KAZN: variants seen among roughly 807,000 people sequenced by gnomAD.
The protein encoded by KAZN is kazrin, periplakin interacting protein.
In KAZN, 40 loss-of-function variants were observed where a neutral mutation model predicts 87.4. The observed-to-expected ratio is 0.46, with a 90% CI of 0.36 to 0.60. The LOEUF (loss-of-function observed/expected upper bound fraction) is 0.60. Ranked by LOEUF, KAZN falls within the 20% of genes least tolerant of loss-of-function variation. The pLI is 0.00. For missense variants in KAZN, 898 were observed against 1,073.9 expected, an observed-to-expected ratio of 0.84 and a Z score of 2.29; for synonymous variants, 466 against 458.3, an observed-to-expected ratio of 1.02 and a Z score of -0.22.
chr1:14,770,891 G>T (rs1039022334), intron 1 of KAZN, among the ~76,000 whole-genome samples: 5 of 152,160 alleles, frequency 3.3e-5, no homozygotes, highest in Admixed American at 6.5e-5. Context: ...TAACTTTGAG[G>T]CTGGAAAATG....
chr1:14,274,714 G>C (rs995626068), intron 2 of KAZN, among the ~76,000 whole-genome samples: 1 of 152,162 alleles, frequency 6.6e-6, no homozygotes, highest in African/African-American at 2.4e-5. Flanking sequence ...GCTGTGACGT[G>C]GGGAGCAGGT....
At chr1:15,009,633 A>G (rs1261551567) in intron 2 of KAZN, among the ~76,000 whole-genome samples, 1 of 152,364 alleles carries the variant, frequency 6.6e-6, no homozygotes, top group African/African-American at 2.4e-5. Context: ...AGCGAGGACA[A>G]GGCTACAGAA....
chr1:14,057,124 T>C (rs527427009), intron 1 of KAZN, among the ~76,000 whole-genome samples: 4 of 151,938 alleles, frequency 2.6e-5, no homozygotes, highest in African/African-American at 9.6e-5. Context: ...TTCTTTTTTT[T>C]GTTTTTTGTT....
chr1:14,837,265 C>A (rs537233139), intron 1 of KAZN, among the ~76,000 whole-genome samples: 7 of 152,252 alleles, frequency 4.6e-5, no homozygotes, highest in African/African-American at 1.7e-4. Context: ...ATAGTGCGGT[C>A]TTGGCTCACC....
intron 13 of KAZN, among the ~76,000 whole-genome samples, chr1:15,105,659 C>A (rs1162458524): frequency 6.6e-6 from 1 of 151,932 alleles, no homozygotes; most frequent in Non-Finnish European, 1.5e-5. Context: ...GAGTCCTAAA[C>A]CCCTAAACCA....
At chr1:14,502,459 G>GT (rs984309271) in intron 2 of KAZN, among the ~76,000 whole-genome samples, 1 of 152,082 alleles carries the variant, frequency 6.6e-6, no homozygotes, top group Admixed American at 6.6e-5. Flanking sequence ...CAATTTCTGG[G>GT]TTTTTTTAGG....
At chr1:14,718,665 A>T (rs1557913215) in intron 1 of KAZN, among the ~76,000 whole-genome samples, 1 of 152,182 alleles carries the variant, frequency 6.6e-6, no homozygotes, top group African/African-American at 2.4e-5. Context: ...GGTGTTTAGC[A>T]CACGCGGGCA....
intron 1 of KAZN, among the ~76,000 whole-genome samples, chr1:14,139,927 ATGTGTGTGTGTGTGTGTGTG>A (rs541192220): frequency 0.33 from 45,321 of 136,522 alleles, 7,506 homozygotes; most frequent in East Asian, 0.62. Flanking sequence ...TTTGAGGTAA[ATGTGTGTGTGTGTGTGTGTG>A]TGTGTGTGTG....
At chr1:14,750,924 T>C (rs763581990) in intron 1 of KAZN, among the ~76,000 whole-genome samples, 2 of 152,230 alleles carry the variant, frequency 1.3e-5, no homozygotes, top group African/African-American at 4.8e-5. Flanking sequence ...ACCCCTGATG[T>C]TCCATTTGTG....
chr1:14,067,621 C>T (rs1395812651), intron 1 of KAZN, among the ~76,000 whole-genome samples: 2 of 150,432 alleles, frequency 1.3e-5, no homozygotes, highest in African/African-American at 5.0e-5. Flanking sequence ...GCTTCTTCCA[C>T]CCTTCTGTCT....
chr1:14,077,052 G>T (rs1277087564), intron 1 of KAZN, among the ~76,000 whole-genome samples: 3 of 152,086 alleles, frequency 2.0e-5, no homozygotes, highest in African/African-American at 7.2e-5. Flanking sequence ...CTTCCTGATT[G>T]CTCTTCATCT....
intron 2 of KAZN, among the ~76,000 whole-genome samples, chr1:14,398,954 A>G (rs1486937918): frequency 1.3e-5 from 2 of 151,978 alleles, no homozygotes; most frequent in Non-Finnish European, 2.9e-5. Context: ...ACTGCCACCG[A>G]TCCCCTGAAT....
At chr1:14,699,647 G>GT (rs1293201071) in intron 1 of KAZN, among the ~76,000 whole-genome samples, 34 of 152,328 alleles carry the variant, frequency 2.2e-4, no homozygotes, top group African/African-American at 7.7e-4. Context: ...TTTACATTGG[G>GT]TAGTAGAAAG....
At chr1:13,952,908 T>C (rs6429814) in intron 1 of KAZN, among the ~76,000 whole-genome samples, 2,267 of 152,298 alleles carry the variant, frequency 0.015, 51 homozygotes, top group African/African-American at 0.051. Flanking sequence ...TTCTCTATGA[T>C]TTTCCTCCTA....
chr1:14,990,871 G>A (rs941548786), intron 2 of KAZN, among the ~76,000 whole-genome samples: 2 of 151,070 alleles, frequency 1.3e-5, no homozygotes, highest in Admixed American at 1.3e-4. Flanking sequence ...TACTGGAATA[G>A]GGTGAGGCCT....
chr1:15,079,173 T>C (rs889398750), intron 8 of KAZN, among the ~76,000 whole-genome samples: 1 of 152,120 alleles, frequency 6.6e-6, no homozygotes, highest in Admixed American at 6.5e-5. Context: ...AGGCAAGGAT[T>C]CACCAGGCAG....
intron 13 of KAZN, 58 bp from the exon 14 acceptor site, chr1:15,112,369 G>A: frequency 3.1e-6 from 2 of 641,786 alleles, no homozygotes; most frequent in East Asian, 3.1e-5. Flanking sequence ...GTGTGTGTGT[G>A]TGTGTCTGGG....
chr1:14,727,602 C>T (rs1363733068), intron 1 of KAZN, among the ~76,000 whole-genome samples: 3 of 150,860 alleles, frequency 2.0e-5, no homozygotes, highest in Non-Finnish European at 4.4e-5. Flanking sequence ...GCCTCAGCCT[C>T]CCAAGTAGCA....
At chr1:14,489,853 G>T (rs538405862) in intron 2 of KAZN, among the ~76,000 whole-genome samples, 2 of 151,820 alleles carry the variant, frequency 1.3e-5, no homozygotes, top group South Asian at 4.2e-4. Context: ...ATTCAAAATA[G>T]AATTTCAATG....
Sources: gnomAD v4.1 joint callset for allele counts (sites outside exome capture counted in the v4.1 genomes callset) on GRCh38, gnomAD v4.1.1 for gene constraint, MANE v1.5 for transcripts, NCBI Gene and HGNC (gene_info 2026-07-23, HGNC 2026-07-21) for gene names.